CWF19L1: variants seen among roughly 807,000 people sequenced by gnomAD.
CWF19L1 encodes the protein CWF19-like protein 1.
A neutral mutation model predicts 69.7 loss-of-function variants in CWF19L1; 60 were observed. That is an observed-to-expected ratio of 0.86 (90% CI 0.70 to 1.07). The LOEUF (loss-of-function observed/expected upper bound fraction) is 1.07. Among genes scored for constraint, CWF19L1 ranks in the 50% least tolerant of loss-of-function variants. The probability of loss-of-function intolerance (pLI) is 0.00; values close to 1 mark genes in which losing one functional copy is unlikely to be tolerated. For synonymous variants in CWF19L1, 209 were observed against 222.2 expected (o/e 0.94, Z 0.53); for missense variants, 591 against 638.9 (o/e 0.92, Z 0.81).
intron 12 of CWF19L1, 114 bp from the exon 13 acceptor site, chr10:100,235,878 T>C: frequency 1.3e-6 from 1 of 743,474 alleles, no homozygotes; most frequent in Non-Finnish European, 2.2e-6. Context: ...AAGATATGTA[T>C]GTTGCTATAG....
At chr10:100,266,980 CATT>C (rs1365864681) in intron 1 of CWF19L1, among the ~76,000 whole-genome samples, 1 of 151,914 alleles carries the variant, frequency 6.6e-6, no homozygotes, top group Non-Finnish European at 1.5e-5. Flanking sequence ...GCGCCCGGCC[CATT>C]ATCTGGATTC....
intron 13 of CWF19L1, 152 bp from the exon 14 acceptor site, chr10:100,233,523 T>A: frequency 1.5e-6 from 1 of 646,404 alleles, no homozygotes; most frequent in Non-Finnish European, 2.5e-6. Context: ...ATACCCGTTT[T>A]AAATGACCAG....
At chr10:100,267,147 C>CAAAAAA (rs56827592) in intron 1 of CWF19L1, among the ~76,000 whole-genome samples, 1 of 30,770 alleles carries the variant, frequency 3.2e-5, no homozygotes, top group Non-Finnish European at 5.8e-5. Flanking sequence ...CTCCTCCTCG[C>CAAAAAA]AAAAAAAAAA....
At position 100,266,032 on chromosome 10, in the gene CWF19L1, A is replaced by G. The variant is rs562666336; in HGVS notation, c.23+1539T>C. On this transcript the variant is annotated intron_variant, in intron 1 of 13. Coordinates refer to ENST00000354105, the MANE Select transcript of CWF19L1 (RefSeq NM_018294.6). ...CCTACCAACTCATTTCTCAGAACAT[A>G]ACCCTGCTGTTAAGCAATGGATTAC... is the stretch of plus-strand genomic sequence containing the variant. Among the ~76,000 whole-genome samples the G allele has an allele frequency of 5.9e-5, 9 of 152,242 alleles. No individual in the cohort carries two copies. In the South Asian group the frequency reaches 1.9e-3, roughly 32 times the overall value.
At chr10:100,245,546 T>C (rs12246091) in intron 9 of CWF19L1, among the ~76,000 whole-genome samples, 11,226 of 152,194 alleles carry the variant, frequency 0.074, 724 homozygotes, top group African/African-American at 0.17. Context: ...AAACTGGCTA[T>C]TGCTATAACA....
chr10:100,249,564 CT>C (rs1476687851), intron 7 of CWF19L1, among the ~76,000 whole-genome samples: 3 of 152,040 alleles, frequency 2.0e-5, no homozygotes, highest in African/African-American at 7.2e-5. Flanking sequence ...CTAAGGAGAG[CT>C]TAGGTAAGTC....
chr10:100,248,884 G>C, intron 7 of CWF19L1: 1 of 1,006,570 alleles, frequency 9.9e-7, no homozygotes, highest in Non-Finnish European at 1.6e-6. Context: ...GAAAAAGGCA[G>C]CCATCATCTC....
rs755627155 is a variant in CWF19L1, at chr10:100,250,327, T to A, written c.629A>T (p.His210Leu). ...TYYERLPYRN[H>L]IILQENAQHA... Reference sequence around the variant, plus strand: ...CTGTGCATTTTCCTGTAGAATGATATGGTTTCTACAACATATTTGAGAGAC... The same window carrying A: ...CTGTGCATTTTCCTGTAGAATGATAAGGTTTCTACAACATATTTGAGAGAC... Residue 210 changes from histidine to leucine, a missense_variant, in exon 7 of 14, where the codon CAT becomes CTT. By Grantham distance (99) the His-to-Leu change is moderately conservative (BLOSUM62 -3). Transcript: ENST00000354105. 6.2e-7 allele frequency: 1 copy of A among 1,602,522 alleles called. No individual in the cohort carries two copies. The highest frequency in any genetic ancestry group is 8.5e-7 in the Non-Finnish European group (1 of 1,169,864).
chr10:100,235,855 T>TG (rs1247153069), intron 12 of CWF19L1, 91 bp from the exon 13 acceptor site: 2 of 909,566 alleles, frequency 2.2e-6, no homozygotes, highest in African/African-American at 3.4e-5. Flanking sequence ...TCAGTCTAAA[T>TG]GCACAAGAAA....
chr10:100,248,200 T>C (rs1339205307), intron 7 of CWF19L1: 1 of 687,454 alleles, frequency 1.5e-6, no homozygotes, highest in African/African-American at 1.8e-5. Context: ...GAAAATAGGC[T>C]GGGGAATTTA....
At chr10:100,255,762 CAAA>C (rs11428759) in intron 5 of CWF19L1, among the ~76,000 whole-genome samples, 2 of 118,106 alleles carry the variant, frequency 1.7e-5, no homozygotes. Context: ...AACTCCATCT[CAAA>C]AAAAAAAAAA....
rs571749207 is a variant in CWF19L1 at position 100,257,705 on chromosome 10, T to G, written c.290-1229A>C. On this transcript the variant is annotated intron_variant, in intron 4 of 13. Transcript: ENST00000354105. ...TCTCCTGAAACTATGTTATCTTCAG[T>G]AGATTCCATGAAGTTGACAATATCT... Among the ~76,000 whole-genome samples the G allele has an allele frequency of 2.6e-5, 4 of 152,230 alleles. No homozygotes were observed. In the South Asian group the frequency reaches 8.3e-4, roughly 32 times the overall value.
rs772823263 is a variant in CWF19L1, at chr10:100,253,421, C to T, written c.623G>A (p.Arg208Gln). 6 of 1,549,100 alleles carry T rather than the reference C, an allele frequency of 3.9e-6. No individual in the cohort carries two copies. Among genetic ancestry groups the T allele is most frequent in the Admixed American group, 1.7e-5 (1 of 59,606 alleles). ...EKTYYERLPY[R>Q]NHIILQENAQ... ...CCAAGAAGAATGAAATGCTACTCAC[C>T]GATATGGAAGCCTCTCATAATAGGT... The change falls in exon 6 of 14, where the codon CGA becomes CAA. Residue 208 changes from arginine to glutamine, a missense_variant and splice_region_variant. Arg to Gln is a conservative substitution (Grantham distance 43, BLOSUM62 1). Transcript: ENST00000354105.
At chr10:100,236,101 CTTTTTT>C (rs781285945) in intron 12 of CWF19L1, among the ~76,000 whole-genome samples, 10 of 131,354 alleles carry the variant, frequency 7.6e-5, no homozygotes, top group African/African-American at 2.8e-4. Flanking sequence ...TCCACTGCCT[CTTTTTT>C]TTTTTTTTTT....
chr10:100,238,072 A>C lies in CWF19L1; in HGVS notation c.1204T>G (p.Trp402Gly). 6.2e-7 allele frequency: 1 copy of C among 1,614,080 alleles called. No homozygotes were observed. Among genetic ancestry groups the C allele is most frequent in the Non-Finnish European group, 8.5e-7 (1 of 1,180,022 alleles). ...LRRFFKSRGK[W>G]CVVFERNYKS... ...TAATTTCTCTCAAATACAACACACC[A>C]TTTCCCTCGACTCTTAAAGAACCGT... The change falls in exon 11 of 14, where the codon TGG (tryptophan) becomes GGG (glycine). Residue 402 changes from tryptophan to glycine, a missense_variant. Trp to Gly is a radical substitution (Grantham distance 184, BLOSUM62 -2). Coordinates refer to ENST00000354105, the MANE Select transcript of CWF19L1 (RefSeq NM_018294.6).
intron 3 of CWF19L1, 96 bp from the exon 4 acceptor site, chr10:100,260,415 T>C (rs1299953978): frequency 3.0e-6 from 2 of 659,980 alleles, no homozygotes; most frequent in Non-Finnish European, 5.2e-6. Context: ...ATATTAAAAG[T>C]AAATAGTCCA....
At position 100,252,518 on chromosome 10, in the gene CWF19L1, T is replaced by C. The variant is rs141082586; in HGVS notation, c.623+903A>G. 6.3e-3 allele frequency among the ~76,000 whole-genome samples: 961 copies of C among 151,394 alleles called. 14 individuals are homozygous for C. Among genetic ancestry groups the C allele is most frequent in the African/African-American group, 0.022 (915 of 41,198 alleles). On this transcript the variant is annotated intron_variant, in intron 6 of 13. Transcript: ENST00000354105. ...AAAAAATAAAAACTCCACCTCTGAG[T>C]GCAAAAGAAAAAAAATAAAAAAAAA...
At chr10:100,263,011 C>CCTCCA (rs1847458504) in intron 1 of CWF19L1, among the ~76,000 whole-genome samples, 1 of 151,924 alleles carries the variant, frequency 6.6e-6, no homozygotes, top group South Asian at 2.1e-4. Flanking sequence ...CTCACTGCAA[C>CCTCCA]CTCCACTCCA....
At position 100,233,141 on chromosome 10, in the gene CWF19L1, T is replaced by G; in HGVS notation, c.*86A>C. ...CCTGCTTGGGTGACAGAGCGAGACT[T>G]TGTCTCAAAAAAAATTCTTTTAATT... On this transcript the variant is annotated 3_prime_UTR_variant, in exon 14 of 14. Transcript: ENST00000354105. 2 of 1,364,280 alleles carry G rather than the reference T, an allele frequency of 1.5e-6. No homozygotes were observed. The highest frequency in any genetic ancestry group is 2.0e-6 in the Non-Finnish European group (2 of 1,016,760). The allele number at this position is 1,364,280 out of a possible 1,614,324, so 84.5% of individuals were successfully genotyped here. A position where few individuals can be genotyped will look rare whatever the true frequency, so the allele number is the denominator to read the frequency against.
Sources: allele counts gnomAD v4.1 joint callset (sites outside exome capture counted in the v4.1 genomes callset), GRCh38; gene constraint gnomAD v4.1.1; transcripts MANE v1.5; gene names NCBI Gene and HGNC (gene_info 2026-07-23, HGNC 2026-07-21).